RALY: variants seen among roughly 807,000 people sequenced by gnomAD.
RALY encodes RNA-binding protein Raly.
In RALY, 15 loss-of-function variants were observed where a neutral mutation model predicts 30.7. That is an observed-to-expected ratio of 0.49 (90% CI 0.33 to 0.75). The LOEUF is 0.75. RALY is among the 30% of genes least tolerant of loss of function. The pLI is 0.02. For missense variants in RALY, 339 were observed against 414.3 expected (o/e 0.82, Z 1.58); for synonymous variants, 177 against 170.8 (o/e 1.04, Z -0.28).
At chr20:34,060,055 CCTTTT>C (rs2033370018) in intron 2 of RALY, among the ~76,000 whole-genome samples, 1 of 152,202 alleles carries the variant, frequency 6.6e-6, no homozygotes, top group African/African-American at 2.4e-5. Flanking sequence ...TCTTGTCTTT[CCTTTT>C]ATGTTCAAGG....
intron 3 of RALY, 75 bp downstream of exon 3, chr20:34,072,405 T>C (rs972755774): frequency 1.3e-6 from 2 of 1,486,498 alleles, no homozygotes; most frequent in Admixed American, 2.1e-5. Flanking sequence ...TCAACCCCCT[T>C]CTCTCTTTCT....
At chr20:34,027,360 T>G (rs568058183) in intron 1 of RALY, among the ~76,000 whole-genome samples, 3 of 152,174 alleles carry the variant, frequency 2.0e-5, no homozygotes, top group Non-Finnish European at 4.4e-5. Context: ...TGTCATCACC[T>G]ACTTCACAGG....
At chr20:34,035,152 C>CAAAAAAAAAAAAAAAAAAAA (rs61301033) in intron 2 of RALY, among the ~76,000 whole-genome samples, 2 of 32,512 alleles carry the variant, frequency 6.2e-5, no homozygotes, top group African/African-American at 1.2e-4. Context: ...GACTCCATCT[C>CAAAAAAAAAAAAAAAAAAAA]AAAAAAAAAA....
chr20:34,017,251 C>T (rs1008679242), intron 1 of RALY, among the ~76,000 whole-genome samples: 12 of 152,230 alleles, frequency 7.9e-5, no homozygotes, highest in Admixed American at 5.2e-4. Flanking sequence ...TTGCAACCTA[C>T]TGGCATAGGA....
intron 6 of RALY, 143 bp downstream of exon 6, chr20:34,076,183 G>A (rs1049570805): frequency 6.5e-6 from 7 of 1,082,448 alleles, no homozygotes; most frequent in Non-Finnish European, 7.9e-6. Context: ...GTATTTTCAT[G>A]CATTTCTAAG....
chr20:34,062,297 C>T (rs2033440372), intron 2 of RALY, among the ~76,000 whole-genome samples: 1 of 152,224 alleles, frequency 6.6e-6, no homozygotes, highest in Non-Finnish European at 1.5e-5. Flanking sequence ...TTATTCTCTG[C>T]CTTCCCCACC....
At chr20:34,001,305 G>A (rs1311800680) in intron 1 of RALY, among the ~76,000 whole-genome samples, 2 of 152,154 alleles carry the variant, frequency 1.3e-5, no homozygotes, top group Non-Finnish European at 2.9e-5. Flanking sequence ...TGGTAATAAT[G>A]GAAAAACACT....
chr20:34,004,986 T>G (rs1259748392), intron 1 of RALY, among the ~76,000 whole-genome samples: 1 of 152,228 alleles, frequency 6.6e-6, no homozygotes, highest in Non-Finnish European at 1.5e-5. Flanking sequence ...CTCTTTGTTC[T>G]GTCAGCAAAT....
chr20:34,027,048 A>C (rs2032070764), intron 1 of RALY, among the ~76,000 whole-genome samples: 1 of 152,148 alleles, frequency 6.6e-6, no homozygotes, highest in Non-Finnish European at 1.5e-5. Context: ...ATAAGACCCT[A>C]ATCCTGCCAT....
chr20:34,069,417 CAGT>C (rs2122272445), intron 2 of RALY, among the ~76,000 whole-genome samples: 1 of 152,046 alleles, frequency 6.6e-6, no homozygotes, highest in Non-Finnish European at 1.5e-5. Context: ...GCTTCCTGCT[CAGT>C]GGTGCTTGTG....
chr20:34,033,307 C>T (rs1195628573), intron 2 of RALY: 1 of 152,086 alleles, frequency 6.6e-6, no homozygotes, highest in Non-Finnish European at 1.5e-5. Flanking sequence ...GCAGCATGAA[C>T]GAAACAAGAA....
chr20:34,065,538 T>C (rs930464139), intron 2 of RALY, among the ~76,000 whole-genome samples: 9 of 152,192 alleles, frequency 5.9e-5, no homozygotes, highest in Non-Finnish European at 1.2e-4. Flanking sequence ...ATTAGTCCTG[T>C]CTGGCCAGTA....
At chr20:34,035,756 C>T (rs910061647) in intron 2 of RALY, among the ~76,000 whole-genome samples, 1 of 152,156 alleles carries the variant, frequency 6.6e-6, no homozygotes, top group Admixed American at 6.6e-5. Context: ...ATAGTTTTCT[C>T]TCTGTAGTTT....
intron 1 of RALY, chr20:33,994,421 G>C (rs1335100087): frequency 6.6e-6 from 1 of 152,332 alleles, no homozygotes; most frequent in African/African-American, 2.4e-5. Flanking sequence ...AGTTGGCTGG[G>C]TGGGCCCGCG....
At chr20:34,070,164 A>G (rs994414889) in intron 2 of RALY, among the ~76,000 whole-genome samples, 1 of 152,222 alleles carries the variant, frequency 6.6e-6, no homozygotes, top group Non-Finnish European at 1.5e-5. Context: ...TTAGGTAAAT[A>G]GGTTGGCAGA....
At position 33,993,981 on chromosome 20, in the gene RALY, A is replaced by AGCGGCG. The variant is rs1300709284; in HGVS notation, c.-239_-234dup. Reference sequence around the variant, plus strand: ...AACCCAGAGAAGCTGAGGGGGCGGTAGCGGCGGCGACGGCGACGACGACGA... The same window carrying AGCGGCG: ...AACCCAGAGAAGCTGAGGGGGCGGTAGCGGCGGCGGCGGCGACGGCGACGACGACGA... On this transcript the variant is annotated 5_prime_UTR_variant, in exon 1 of 10. Coordinates refer to ENST00000246194, the MANE Select transcript of RALY (RefSeq NM_016732.3). 1 of 151,886 alleles carries AGCGGCG rather than the reference A, an allele frequency of 6.6e-6. No homozygotes were observed. The highest frequency in any genetic ancestry group is 1.5e-5 in the Non-Finnish European group (1 of 67,884). The allele number at this position is 151,886 out of a possible 1,614,324, so 9.4% of individuals were successfully genotyped here.
chr20:34,001,372 G>A (rs1001457944), intron 1 of RALY, among the ~76,000 whole-genome samples: 1 of 152,228 alleles, frequency 6.6e-6, no homozygotes, highest in Admixed American at 6.5e-5. Flanking sequence ...TGCCTCTACT[G>A]AGGTTACCTG....
intron 2 of RALY, among the ~76,000 whole-genome samples, chr20:34,032,403 G>T (rs2032318060): frequency 6.6e-6 from 1 of 152,220 alleles, no homozygotes; most frequent in Admixed American, 6.5e-5. Flanking sequence ...GTTTTATGAA[G>T]TGGATGTCAG....
intron 2 of RALY, among the ~76,000 whole-genome samples, chr20:34,069,666 A>G (rs961132681): frequency 1.3e-5 from 2 of 152,252 alleles, no homozygotes; most frequent in African/African-American, 4.8e-5. Context: ...AGGGACTGTC[A>G]GCGAGAACTG....
Sources: gnomAD v4.1 joint callset for allele counts (sites outside exome capture counted in the v4.1 genomes callset) on GRCh38, gnomAD v4.1.1 for gene constraint, MANE v1.5 for transcripts, NCBI Gene and HGNC (gene_info 2026-07-23, HGNC 2026-07-21) for gene names.